Variants in NUP210L observed in about 807,000 individuals in gnomAD.
The protein encoded by NUP210L is nucleoporin 210 like.
In NUP210L, 74 loss-of-function variants were observed where a neutral mutation model predicts 208.5. The observed-to-expected ratio is 0.35, with a 90% CI of 0.29 to 0.43. NUP210L has a LOEUF of 0.43. NUP210L is among the 20% of genes least tolerant of loss of function. The pLI, the probability that NUP210L is intolerant of heterozygous loss-of-function variation, is 1.00. For missense variants in NUP210L, 1,843 were observed against 2,289.4 expected (o/e 0.81, Z 3.98); for synonymous variants, 780 against 816.9 (o/e 0.95, Z 0.77).
chr1:154,134,423 CTTT>C (rs375962653), intron 7 of NUP210L, among the ~76,000 whole-genome samples: 22 of 129,760 alleles, frequency 1.7e-4, no homozygotes, highest in Admixed American at 4.9e-4. Context: ...CTCCGTGTAC[CTTT>C]TTTTTTTTTT....
intron 27 of NUP210L, among the ~76,000 whole-genome samples, chr1:154,040,200 T>C (rs956524907): frequency 1.3e-5 from 2 of 152,084 alleles, no homozygotes; most frequent in Non-Finnish European, 2.9e-5. Flanking sequence ...TCTTTCCTTG[T>C]TTGTTGTAAC....
chr1:154,086,079 G>C (rs1260057307), intron 16 of NUP210L, among the ~76,000 whole-genome samples: 1 of 151,942 alleles, frequency 6.6e-6, no homozygotes, highest in African/African-American at 2.4e-5. Context: ...AGGCATGGTG[G>C]CGGGCACCTG....
intron 33 of NUP210L, among the ~76,000 whole-genome samples, chr1:154,018,225 G>A (rs1450807228): frequency 6.6e-6 from 1 of 152,088 alleles, no homozygotes; most frequent in Non-Finnish European, 1.5e-5. Context: ...TCCCACTTTG[G>A]CTTCCCAAAG....
chr1:154,036,238 A>G (rs954446716), intron 27 of NUP210L, among the ~76,000 whole-genome samples: 1 of 151,898 alleles, frequency 6.6e-6, no homozygotes, highest in African/African-American at 2.4e-5. Context: ...TGTGGTCAGA[A>G]AAAACACTTG....
At chr1:154,044,101 G>C (rs1167039573) in intron 27 of NUP210L, among the ~76,000 whole-genome samples, 1 of 152,010 alleles carries the variant, frequency 6.6e-6, no homozygotes. Context: ...ACACACTCCT[G>C]TCTGTTATTC....
chr1:154,025,085 C>T (rs1037906329), intron 30 of NUP210L, among the ~76,000 whole-genome samples: 3 of 151,570 alleles, frequency 2.0e-5, no homozygotes, highest in African/African-American at 4.8e-5. Context: ...CCCGCCACCT[C>T]GCCCAGCTAA....
intron 25 of NUP210L, among the ~76,000 whole-genome samples, chr1:154,050,399 T>C (rs1041331328): frequency 6.6e-6 from 1 of 152,150 alleles, no homozygotes; most frequent in Non-Finnish European, 1.5e-5. Flanking sequence ...AGCAAGTCCA[T>C]AAAGCTCAAA....
At chr1:154,149,269 A>G (rs1659269671) in intron 2 of NUP210L, among the ~76,000 whole-genome samples, 1 of 152,022 alleles carries the variant, frequency 6.6e-6, no homozygotes, top group Non-Finnish European at 1.5e-5. Flanking sequence ...TATTTTTAGT[A>G]GAGACGGGGT....
At chr1:154,043,309 T>A (rs1004154785) in intron 27 of NUP210L, among the ~76,000 whole-genome samples, 3 of 151,324 alleles carry the variant, frequency 2.0e-5, no homozygotes, top group Non-Finnish European at 4.4e-5. Flanking sequence ...CGTGAGCCAC[T>A]GCACTCCGCC....
chr1:153,992,768 A>AGGC, exon 40 of NUP210L: 1 of 1,025,296 alleles, frequency 9.8e-7, no homozygotes, highest in Non-Finnish European at 1.5e-6. Flanking sequence ...AGTTGCTGTT[A>AGGC]GGCTTCTTGT....
intron 15 of NUP210L, among the ~76,000 whole-genome samples, chr1:154,092,764 A>G (rs1467852773): frequency 6.8e-6 from 1 of 147,750 alleles, no homozygotes; most frequent in South Asian, 2.2e-4. Flanking sequence ...TTGCACTGTC[A>G]CCCAGGCTGG....
chr1:154,023,213 C>T, exon 31 of NUP210L: 2 of 1,613,880 alleles, frequency 1.2e-6, no homozygotes, highest in Non-Finnish European at 1.7e-6. Flanking sequence ...AGAGACATGC[C>T]CAAGGGAAAT....
At chr1:154,024,019 G>A (rs1411244437) in intron 30 of NUP210L, among the ~76,000 whole-genome samples, 1 of 151,164 alleles carries the variant, frequency 6.6e-6, no homozygotes, top group Non-Finnish European at 1.5e-5. Context: ...TTGAACTCCT[G>A]ACCTCGTGAT....
intron 38 of NUP210L, among the ~76,000 whole-genome samples, chr1:153,994,436 C>T (rs1050024510): frequency 6.6e-5 from 10 of 151,868 alleles, no homozygotes; most frequent in African/African-American, 2.2e-4. Flanking sequence ...CTCAGCCTCC[C>T]GAGTAGCTGG....
At chr1:154,034,244 T>G (rs1652408569) in intron 27 of NUP210L, among the ~76,000 whole-genome samples, 1 of 152,162 alleles carries the variant, frequency 6.6e-6, no homozygotes, top group Non-Finnish European at 1.5e-5. Context: ...CAGAATAGTT[T>G]GAGTAGGATT....
chr1:154,008,106 A>G (rs997171158), intron 35 of NUP210L, among the ~76,000 whole-genome samples: 3 of 145,972 alleles, frequency 2.1e-5, no homozygotes, highest in Admixed American at 1.4e-4. Context: ...TCCTGACCTC[A>G]AGTGATTTGT....
chr1:154,118,798 A>G (rs2148099719), exon 11 of NUP210L: 1 of 1,567,388 alleles, frequency 6.4e-7, no homozygotes, highest in Admixed American at 1.7e-5. Context: ...TATAGGCTGA[A>G]TATCTTTATT....
At chr1:154,001,035 A>T (rs1650179815) in exon 37 of NUP210L, 1 of 1,614,056 alleles carries the variant, frequency 6.2e-7, no homozygotes, top group African/African-American at 1.3e-5. Flanking sequence ...GCCAGCGACC[A>T]CTAGAACTGG....
chr1:154,011,202 TTGGCC>T (rs1198383538), intron 34 of NUP210L, among the ~76,000 whole-genome samples: 5 of 151,700 alleles, frequency 3.3e-5, no homozygotes, highest in Non-Finnish European at 7.4e-5. Context: ...CGTCAGTCTG[TTGGCC>T]AGGCACGGTG....
Sources: gnomAD v4.1 joint callset for allele counts (sites outside exome capture counted in the v4.1 genomes callset) on GRCh38, gnomAD v4.1.1 for gene constraint, MANE v1.5 for transcripts, NCBI Gene and HGNC (gene_info 2026-07-23, HGNC 2026-07-21) for gene names.